Variants in SGCD observed in about 807,000 individuals in gnomAD.
SGCD encodes delta-sarcoglycan.
A neutral mutation model predicts 36.6 loss-of-function variants in SGCD; 18 were observed. That is an observed-to-expected ratio of 0.49 (90% CI 0.34 to 0.73). SGCD has a LOEUF of 0.73. Ranked by LOEUF, SGCD falls within the 30% of genes least tolerant of loss-of-function variation. The probability of loss-of-function intolerance (pLI) is 0.01; values close to 1 mark genes in which losing one functional copy is unlikely to be tolerated. For synonymous variants in SGCD, 133 were observed against 130.6 expected (o/e 1.02, Z -0.12); for missense variants, 387 against 346.7 (o/e 1.12, Z -0.92).
the SGCD span, among the ~76,000 whole-genome samples, chr5:155,771,658 C>T: frequency 6.6e-6 from 1 of 152,114 alleles, no homozygotes; most frequent in South Asian, 2.1e-4. Flanking sequence ...CTCCTGACCT[C>T]ATGATCCACC....
chr5:156,690,288 T>C (rs1312760173), intron 7 of SGCD, among the ~76,000 whole-genome samples: 1 of 152,154 alleles, frequency 6.6e-6, no homozygotes, highest in Non-Finnish European at 1.5e-5. Context: ...GAGCCCATGC[T>C]CTTGATCAAG....
chr5:155,755,250 C>T, the SGCD span, among the ~76,000 whole-genome samples: 1 of 152,156 alleles, frequency 6.6e-6, no homozygotes, highest in African/African-American at 2.4e-5. Context: ...AACTGGTAAA[C>T]ACATTTATTA....
At chr5:156,489,822 G>A (rs1755857862) in intron 3 of SGCD, among the ~76,000 whole-genome samples, 1 of 150,482 alleles carries the variant, frequency 6.6e-6, no homozygotes, top group African/African-American at 2.4e-5. Flanking sequence ...AAGAAAAGCA[G>A]GAATAAACCA....
At chr5:155,836,587 C>G in the SGCD span, among the ~76,000 whole-genome samples, 1 of 151,678 alleles carries the variant, frequency 6.6e-6, no homozygotes, top group Non-Finnish European at 1.5e-5. Context: ...CAGACATGGG[C>G]AGCTCTGCTC....
intron 3 of SGCD, among the ~76,000 whole-genome samples, chr5:156,384,458 A>T (rs1771167003): frequency 1.3e-5 from 2 of 152,098 alleles, no homozygotes; most frequent in African/African-American, 4.8e-5. Context: ...TTTCACTAGG[A>T]TAGGAATTCC....
chr5:156,260,885 G>A (rs985105898), intron 3 of SGCD, among the ~76,000 whole-genome samples: 2 of 152,018 alleles, frequency 1.3e-5, no homozygotes, highest in Non-Finnish European at 2.9e-5. Context: ...TTATCATGAA[G>A]GATGTTAAAT....
At chr5:155,937,080 C>G (rs1399669725) in intron 1 of SGCD, among the ~76,000 whole-genome samples, 2 of 152,148 alleles carry the variant, frequency 1.3e-5, no homozygotes, top group African/African-American at 4.8e-5. Context: ...TTCCCAGGAC[C>G]GCAAGTCTGC....
chr5:156,034,668 C>T (rs1759444539), intron 1 of SGCD, among the ~76,000 whole-genome samples: 1 of 152,140 alleles, frequency 6.6e-6, no homozygotes, highest in Admixed American at 6.6e-5. Context: ...AGTATAAAAA[C>T]CAGGAAAGTT....
intron 7 of SGCD, among the ~76,000 whole-genome samples, chr5:156,648,705 T>A (rs960249635): frequency 3.3e-5 from 5 of 152,164 alleles, no homozygotes; most frequent in African/African-American, 1.2e-4. Flanking sequence ...CATAACTATC[T>A]TCAGCAGAGC....
At chr5:156,518,446 A>C (rs1214515223) in intron 4 of SGCD, among the ~76,000 whole-genome samples, 2 of 152,210 alleles carry the variant, frequency 1.3e-5, no homozygotes, top group African/African-American at 4.8e-5. Flanking sequence ...GAAAATTAAC[A>C]AAGATATTTA....
At chr5:156,704,704 T>C (rs1326256312) in intron 7 of SGCD, among the ~76,000 whole-genome samples, 3 of 152,168 alleles carry the variant, frequency 2.0e-5, no homozygotes. Context: ...AATGACAAGA[T>C]ACAAAATGGT....
intron 1 of SGCD, among the ~76,000 whole-genome samples, chr5:155,913,818 A>T (rs529674405): frequency 2.6e-5 from 4 of 152,352 alleles, no homozygotes; most frequent in South Asian, 2.1e-4. Context: ...TGAGTGGAAG[A>T]GTTCTGCATA....
chr5:156,138,823 T>C (rs1367142800), intron 3 of SGCD, among the ~76,000 whole-genome samples: 1 of 152,190 alleles, frequency 6.6e-6, no homozygotes, highest in African/African-American at 2.4e-5. Flanking sequence ...AAGATCCAAT[T>C]ATTCTATTTT....
At chr5:156,291,820 G>A (rs1011021162) in intron 3 of SGCD, among the ~76,000 whole-genome samples, 2 of 152,136 alleles carry the variant, frequency 1.3e-5, no homozygotes, top group African/African-American at 2.4e-5. Flanking sequence ...ACATTGTGGA[G>A]CTAAATAACA....
chr5:155,891,128 C>A (rs145165030), intron 1 of SGCD, among the ~76,000 whole-genome samples: 1 of 152,138 alleles, frequency 6.6e-6, no homozygotes, highest in African/African-American at 2.4e-5. Context: ...GATGAATGAG[C>A]AAAAGTCTTC....
intron 1 of SGCD, among the ~76,000 whole-genome samples, chr5:156,115,012 A>G (rs1482190870): frequency 6.6e-6 from 1 of 152,076 alleles, no homozygotes; most frequent in Non-Finnish European, 1.5e-5. Context: ...GTTGAGGAAA[A>G]TTATATGGTG....
At chr5:156,082,770 C>A (rs187251165) in intron 1 of SGCD, among the ~76,000 whole-genome samples, 2 of 152,136 alleles carry the variant, frequency 1.3e-5, no homozygotes, top group East Asian at 3.8e-4. Context: ...ATTGGATAAA[C>A]GTCCAGGAGC....
chr5:155,974,647 G>C lies in SGCD; in HGVS notation c.-282+104223G>C, dbSNP rs75449821. On this transcript the variant is annotated intron_variant, in intron 1 of 9. Coordinates refer to the SGCD transcript ENST00000517913. ...ACCTGTCTGTGCCCCAGACATCATA[G>C]GTGGGGACTTTCCTGCTGGACATAG... Among the ~76,000 whole-genome samples, 31 of 152,034 alleles carry C rather than the reference G, an allele frequency of 2.0e-4. No individual in the cohort carries two copies. In the East Asian group the frequency reaches 5.4e-3, roughly 26 times the overall value.
rs1368462176 is a variant in SGCD at position 156,152,138 on chromosome 5, A to G, written c.-44+28119A>G. ...TAATGTTGAATAATTGTGAGTTAAA[A>G]AAAAACAAAACAAAACAAATACAAA... is the stretch of plus-strand genomic sequence containing the variant. On this transcript the variant is annotated intron_variant, in intron 3 of 9. Coordinates refer to the SGCD transcript ENST00000517913. 2.6e-5 allele frequency among the ~76,000 whole-genome samples: 4 copies of G among 151,750 alleles called. No individual in the cohort carries two copies. The South Asian group carries it at 8.3e-4, about 31-fold the overall frequency.
Sources: gnomAD v4.1 joint callset for allele counts (sites outside exome capture counted in the v4.1 genomes callset) on GRCh38, gnomAD v4.1.1 for gene constraint, MANE v1.5 for transcripts, NCBI Gene and HGNC (gene_info 2026-07-23, HGNC 2026-07-21) for gene names.